PBX4: variants seen among roughly 807,000 people sequenced by gnomAD.
The protein encoded by PBX4 is PBX homeobox 4.
A neutral mutation model predicts 35.1 loss-of-function variants in PBX4; 26 were observed. The observed-to-expected ratio is 0.74, with a 90% CI of 0.54 to 1.03. PBX4 has a LOEUF of 1.03. Ranked by LOEUF, PBX4 falls within the 50% of genes least tolerant of loss-of-function variation. The pLI, the probability that PBX4 is intolerant of heterozygous loss-of-function variation, is 0.00. For synonymous variants in PBX4, 199 were observed against 204.2 expected (o/e 0.97, Z 0.22); for missense variants, 448 against 504.3 (o/e 0.89, Z 1.07).
intron 1 of PBX4, among the ~76,000 whole-genome samples, chr19:19,603,620 T>C (rs2144778487): frequency 6.6e-6 from 1 of 152,284 alleles, no homozygotes; most frequent in South Asian, 2.1e-4. Flanking sequence ...CACATGTTTA[T>C]ATGCCAAAAA....
At chr19:19,588,293 G>C in intron 2 of PBX4, 1 of 1,143,492 alleles carries the variant, frequency 8.7e-7, no homozygotes, top group Non-Finnish European at 1.3e-6. Flanking sequence ...ATGCACACCA[G>C]AGTGCAGGGA....
At chr19:19,591,878 A>T (rs756610016) in intron 2 of PBX4, among the ~76,000 whole-genome samples, 1 of 152,134 alleles carries the variant, frequency 6.6e-6, no homozygotes, top group Non-Finnish European at 1.5e-5. Context: ...ATATTTTTTT[A>T]GAGGCAGAGT....
chr19:19,564,997 A>T lies in PBX4; in HGVS notation c.861T>A (p.Ala287=). The change falls in exon 6 of 8, where the codon GCT becomes GCA. Residue 287 remains alanine, a synonymous_variant. Coordinates refer to ENST00000251203, the MANE Select transcript of PBX4 (RefSeq NM_025245.3). ...EEATIYTGKT[A]VDTTEVGVPG... ...GGACCCCAACTTCCGTGGTATCCAC[A>T]GCCGTTTTACCCGTGTAAATGGTAG... 1 of 1,614,242 alleles carries T rather than the reference A, an allele frequency of 6.2e-7. No homozygotes were observed. Among genetic ancestry groups the T allele is most frequent in the South Asian group, 1.1e-5 (1 of 91,088 alleles).
chr19:19,598,622 C>G (rs1420389650), intron 2 of PBX4, among the ~76,000 whole-genome samples: 1 of 152,102 alleles, frequency 6.6e-6, no homozygotes, highest in Non-Finnish European at 1.5e-5. Flanking sequence ...TTCAATTTCC[C>G]TAAGTCTGTC....
At chr19:19,603,141 C>T (rs950235075) in intron 1 of PBX4, among the ~76,000 whole-genome samples, 8 of 152,146 alleles carry the variant, frequency 5.3e-5, no homozygotes, top group African/African-American at 1.9e-4. Flanking sequence ...GGTGCTTCCC[C>T]ATGTGGCCCT....
chr19:19,614,962 C>A (rs1179177091), intron 1 of PBX4, among the ~76,000 whole-genome samples: 2 of 151,686 alleles, frequency 1.3e-5, no homozygotes, highest in East Asian at 3.9e-4. Flanking sequence ...GAGTTCAACA[C>A]CAGCCTAGCC....
intron 1 of PBX4, among the ~76,000 whole-genome samples, chr19:19,613,445 C>CAAAAA (rs57256131): frequency 8.8e-6 from 1 of 113,622 alleles, no homozygotes; most frequent in Non-Finnish European, 2.0e-5. Context: ...GACTCTGTCT[C>CAAAAA]AAAAAAAAAA....
intron 2 of PBX4, among the ~76,000 whole-genome samples, chr19:19,596,414 G>A (rs1039307920): frequency 6.6e-6 from 1 of 151,834 alleles, no homozygotes; most frequent in African/African-American, 2.4e-5. Flanking sequence ...ATATCATAAT[G>A]AACTCATGGT....
intron 2 of PBX4, among the ~76,000 whole-genome samples, chr19:19,594,100 TAAAAAA>T (rs1568391573): frequency 8.2e-4 from 118 of 144,402 alleles, no homozygotes; most frequent in African/African-American, 2.6e-3. Flanking sequence ...AAAAAAAAAA[TAAAAAA>T]TAAAAAATTA....
chr19:19,568,759 TC>T (rs957811276), intron 5 of PBX4, among the ~76,000 whole-genome samples: 4 of 151,540 alleles, frequency 2.6e-5, no homozygotes, highest in Admixed American at 2.0e-4. Context: ...TCCATCTGTA[TC>T]CCTCAGGGAG....
chr19:19,591,591 C>T (rs958174145), intron 2 of PBX4, among the ~76,000 whole-genome samples: 2 of 152,238 alleles, frequency 1.3e-5, no homozygotes, highest in Non-Finnish European at 2.9e-5. Flanking sequence ...GCAAAGCAGG[C>T]CCCTTCTCAA....
At chr19:19,617,749 C>A (rs1262964585) in intron 1 of PBX4, among the ~76,000 whole-genome samples, 1 of 152,098 alleles carries the variant, frequency 6.6e-6, no homozygotes, top group African/African-American at 2.4e-5. Flanking sequence ...CTCTACTAAC[C>A]CTTTTCCCAA....
At chr19:19,584,072 G>A (rs902207242) in intron 2 of PBX4, among the ~76,000 whole-genome samples, 1 of 151,652 alleles carries the variant, frequency 6.6e-6, no homozygotes, top group African/African-American at 2.4e-5. Context: ...TTCATCTCAA[G>A]AAGAAAGAAA....
chr19:19,615,842 A>G (rs150096858), intron 1 of PBX4, among the ~76,000 whole-genome samples: 2,249 of 152,228 alleles, frequency 0.015, 75 homozygotes, highest in Admixed American at 0.071. Flanking sequence ...GTGAGCCGAG[A>G]TAGCGCCACT....
intron 2 of PBX4, among the ~76,000 whole-genome samples, chr19:19,591,928 T>C (rs1394565354): frequency 6.6e-5 from 10 of 152,202 alleles, no homozygotes. Context: ...TGGTGTGATC[T>C]CAGCTCACTG....
At chr19:19,593,874 C>T (rs1015839300) in intron 2 of PBX4, among the ~76,000 whole-genome samples, 1 of 151,912 alleles carries the variant, frequency 6.6e-6, no homozygotes, top group Non-Finnish European at 1.5e-5. Flanking sequence ...TGCCTGTAAC[C>T]CCACACCTTG....
intron 2 of PBX4, chr19:19,588,346 T>C (rs1387248329): frequency 1.6e-6 from 2 of 1,224,912 alleles, no homozygotes; most frequent in African/African-American, 1.5e-5. Flanking sequence ...ATCACATTTT[T>C]CACACAGTCA....
chr19:19,569,183 G>A (rs9304962), intron 5 of PBX4, among the ~76,000 whole-genome samples: 1 of 151,958 alleles, frequency 6.6e-6, no homozygotes, highest in African/African-American at 2.4e-5. Flanking sequence ...CTCAGCATCC[G>A]AAGGAGCTGA....
chr19:19,586,250 A>G (rs2061488277), intron 2 of PBX4, among the ~76,000 whole-genome samples: 1 of 151,936 alleles, frequency 6.6e-6, no homozygotes, highest in African/African-American at 2.4e-5. Context: ...CCCCATCTAT[A>G]AAAAGTACAA....
Sources: allele counts gnomAD v4.1 joint callset (sites outside exome capture counted in the v4.1 genomes callset), GRCh38; gene constraint gnomAD v4.1.1; transcripts MANE v1.5; gene names NCBI Gene and HGNC (gene_info 2026-07-23, HGNC 2026-07-21).